The following SUGCT variants were observed in gnomAD, a reference collection of about 807,000 sequenced individuals.
SUGCT encodes the protein succinyl-CoA:glutarate-CoA transferase, also known as succinyl-CoA:glutarate CoA-transferase.
A neutral mutation model predicts 55.0 loss-of-function variants in SUGCT; 41 were observed. The observed-to-expected ratio is 0.74, with a 90% CI of 0.58 to 0.97. The LOEUF is 0.97. Ranked by LOEUF, SUGCT falls within the 50% of genes least tolerant of loss-of-function variation. The probability of loss-of-function intolerance (pLI) is 0.00; values close to 1 mark genes in which losing one functional copy is unlikely to be tolerated. For synonymous variants in SUGCT, 187 were observed against 200.4 expected, an observed-to-expected ratio of 0.93 and a Z score of 0.56; for missense variants, 568 against 547.8, an observed-to-expected ratio of 1.04 and a Z score of -0.37.
intron 8 of SUGCT, among the ~76,000 whole-genome samples, chr7:40,278,369 G>A (rs577984310): frequency 3.3e-5 from 5 of 152,118 alleles, no homozygotes; most frequent in African/African-American, 1.2e-4. Flanking sequence ...TCAGTGTGGC[G>A]ATTCCTCAGG....
intron 12 of SUGCT, among the ~76,000 whole-genome samples, chr7:40,552,486 T>C (rs538664865): frequency 6.6e-6 from 1 of 152,112 alleles, no homozygotes; most frequent in Non-Finnish European, 1.5e-5. Flanking sequence ...GGTGATGGCC[T>C]GCGAGGACAG....
chr7:40,275,641 A>G (rs900647637), intron 8 of SUGCT, among the ~76,000 whole-genome samples: 2 of 152,184 alleles, frequency 1.3e-5, no homozygotes, highest in African/African-American at 4.8e-5. Flanking sequence ...ACCTACATTT[A>G]TAATAGAATA....
At chr7:40,748,697 C>A in intron 12 of SUGCT, among the ~76,000 whole-genome samples, 1 of 152,168 alleles carries the variant, frequency 6.6e-6, no homozygotes, top group East Asian at 1.9e-4. Flanking sequence ...TTTCCTGCCT[C>A]ACCATTGCAT....
intron 12 of SUGCT, among the ~76,000 whole-genome samples, chr7:40,637,215 A>G (rs1296687981): frequency 6.6e-6 from 1 of 152,224 alleles, no homozygotes; most frequent in Non-Finnish European, 1.5e-5. Flanking sequence ...TTCTCAATTC[A>G]GCTTCATCTT....
intron 10 of SUGCT, among the ~76,000 whole-genome samples, chr7:40,455,012 G>A (rs971062789): frequency 2.6e-5 from 4 of 152,192 alleles, no homozygotes; most frequent in Non-Finnish European, 5.9e-5. Flanking sequence ...ATGGGTGAAA[G>A]CAAACATTAA....
chr7:40,522,594 T>C (rs561688787), intron 12 of SUGCT, among the ~76,000 whole-genome samples: 92 of 152,216 alleles, frequency 6.0e-4, no homozygotes, highest in African/African-American at 2.1e-3. Context: ...AAGAAAGAAA[T>C]GTTAATTTGG....
chr7:40,640,834 A>G (rs1382445040), intron 12 of SUGCT, among the ~76,000 whole-genome samples: 1 of 152,260 alleles, frequency 6.6e-6, no homozygotes, highest in Non-Finnish European at 1.5e-5. Context: ...CAAATGAAGC[A>G]GACTATGAAG....
At chr7:40,691,707 G>T (rs557188193) in intron 12 of SUGCT, among the ~76,000 whole-genome samples, 4 of 152,232 alleles carry the variant, frequency 2.6e-5, no homozygotes, top group African/African-American at 9.6e-5. Flanking sequence ...AAAGTCAAAT[G>T]GATGTCTTTC....
At chr7:40,524,775 A>C (rs556078626) in intron 12 of SUGCT, among the ~76,000 whole-genome samples, 1 of 152,176 alleles carries the variant, frequency 6.6e-6, no homozygotes, top group African/African-American at 2.4e-5. Context: ...GAAGGATTCA[A>C]TTGAGAAGCT....
chr7:40,176,748 G>A (rs560874369), intron 1 of SUGCT, among the ~76,000 whole-genome samples: 101 of 151,932 alleles, frequency 6.6e-4, no homozygotes, highest in Middle Eastern at 6.8e-3. Context: ...CGAGGTGGGT[G>A]GATCACCTGA....
intron 9 of SUGCT, among the ~76,000 whole-genome samples, chr7:40,324,661 C>G (rs549666856): frequency 5.3e-4 from 80 of 152,286 alleles, no homozygotes; most frequent in Non-Finnish European, 1.0e-3. Flanking sequence ...ATACAGGACT[C>G]TTCCAAAAAA....
At chr7:40,863,560 T>A (rs1794531304), downstream of SUGCT, among the ~76,000 whole-genome samples, 1 of 152,176 alleles carries the variant, frequency 6.6e-6, no homozygotes, top group African/African-American at 2.4e-5. Flanking sequence ...ACTATGCAGA[T>A]CTTCAGCCCC....
the SUGCT span, among the ~76,000 whole-genome samples, chr7:40,893,653 C>G: frequency 6.6e-6 from 1 of 151,954 alleles, no homozygotes; most frequent in East Asian, 1.9e-4. Flanking sequence ...TTCACAGAAT[C>G]AGTAAAAAAA....
At chr7:40,363,047 G>T (rs1329158436) in intron 9 of SUGCT, among the ~76,000 whole-genome samples, 1 of 152,198 alleles carries the variant, frequency 6.6e-6, no homozygotes, top group Admixed American at 6.5e-5. Flanking sequence ...TTGGGAGGGT[G>T]TATGTGTCGA....
the SUGCT span, among the ~76,000 whole-genome samples, chr7:40,933,465 T>A: frequency 6.6e-6 from 1 of 152,210 alleles, no homozygotes; most frequent in Admixed American, 6.5e-5. Context: ...ATTTCCTGAA[T>A]TTGAATGTTG....
the SUGCT span, among the ~76,000 whole-genome samples, chr7:40,959,043 C>T: frequency 1.3e-5 from 2 of 152,202 alleles, no homozygotes; most frequent in East Asian, 1.9e-4. Context: ...CTGGAAGCTT[C>T]ATCCCAGAGG....
At chr7:41,024,407 G>A in the SUGCT span, among the ~76,000 whole-genome samples, 1 of 151,892 alleles carries the variant, frequency 6.6e-6, no homozygotes, top group African/African-American at 2.4e-5. Context: ...TAGTGAAAAA[G>A]CAAGCCACAG....
chr7:41,033,017 C>T, the SUGCT span, among the ~76,000 whole-genome samples: 1 of 152,184 alleles, frequency 6.6e-6, no homozygotes, highest in Non-Finnish European at 1.5e-5. Flanking sequence ...CCACCTTGGC[C>T]TTCCAAAGTC....
chr7:40,230,666 G>A (rs1788670824), intron 6 of SUGCT, among the ~76,000 whole-genome samples: 1 of 152,128 alleles, frequency 6.6e-6, no homozygotes, highest in Non-Finnish European at 1.5e-5. Context: ...TTGAATTAGT[G>A]AATGTAGAAG....
Sources: allele counts gnomAD v4.1 joint callset (sites outside exome capture counted in the v4.1 genomes callset), GRCh38; gene constraint gnomAD v4.1.1; transcripts MANE v1.5; gene names NCBI Gene and HGNC (gene_info 2026-07-23, HGNC 2026-07-21).